Variants in OSBP2 observed in about 807,000 individuals in gnomAD.
The protein encoded by OSBP2 is oxysterol binding protein 2, also known as oxysterol-binding protein 2.
A neutral mutation model predicts 96.0 loss-of-function variants in OSBP2; 66 were observed. The ratio of observed to expected loss-of-function variants is 0.69; its 90% confidence interval spans 0.56 to 0.84. The LOEUF is 0.84. OSBP2 is among the 40% of genes least tolerant of loss of function. OSBP2 has a pLI of 0.00. For missense variants in OSBP2, 1,038 were observed against 1,222.7 expected, an observed-to-expected ratio of 0.85 and a Z score of 2.25; for synonymous variants, 525 against 520.9, an observed-to-expected ratio of 1.01 and a Z score of -0.11.
chr22:30,694,249 C>T, upstream of OSBP2: 1 of 1,549,840 alleles, frequency 6.5e-7, no homozygotes, highest in South Asian at 1.2e-5. Context: ...AGCGCCTTGG[C>T]ATGAACCGTA....
chr22:30,715,597 G>T (rs1445254821), intron 1 of OSBP2, among the ~76,000 whole-genome samples: 1 of 151,390 alleles, frequency 6.6e-6, no homozygotes, highest in African/African-American at 2.4e-5. Context: ...TGTTGCCCAG[G>T]CTGGAGTGCA....
At chr22:30,772,457 G>A (rs967601253) in intron 2 of OSBP2, among the ~76,000 whole-genome samples, 22 of 152,168 alleles carry the variant, frequency 1.4e-4, no homozygotes, top group Admixed American at 5.2e-4. Flanking sequence ...AGGCTGGCCC[G>A]TGGGATGTCT....
chr22:30,810,492 C>T (rs1453381332), intron 2 of OSBP2, among the ~76,000 whole-genome samples: 18 of 152,154 alleles, frequency 1.2e-4, no homozygotes, highest in South Asian at 2.1e-4. Flanking sequence ...CCTGGACAAC[C>T]GCACAGGTAG....
At chr22:30,832,167 T>C (rs1353595874) in intron 2 of OSBP2, among the ~76,000 whole-genome samples, 1 of 152,154 alleles carries the variant, frequency 6.6e-6, no homozygotes, top group Non-Finnish European at 1.5e-5. Flanking sequence ...CCTTCTGCCC[T>C]TGCCCCCTTC....
At chr22:30,694,020 T>TG, upstream of OSBP2, 1 of 1,536,458 alleles carries the variant, frequency 6.5e-7, no homozygotes, top group Non-Finnish European at 8.8e-7. Context: ...TTAACCATTC[T>TG]GGGGTCACAG....
intron 2 of OSBP2, among the ~76,000 whole-genome samples, chr22:30,828,581 G>A (rs1434285638): frequency 1.3e-5 from 2 of 152,240 alleles, no homozygotes; most frequent in Non-Finnish European, 2.9e-5. Context: ...GGCATTGCGA[G>A]TGGGCAGGGA....
intron 4 of OSBP2, among the ~76,000 whole-genome samples, chr22:30,887,968 AGACT>A (rs960447048): frequency 2.6e-5 from 4 of 152,202 alleles, no homozygotes; most frequent in African/African-American, 9.6e-5. Context: ...GGCCACAGAA[AGACT>A]GACCCACATG....
chr22:30,694,081 C>CCACAACTAT (rs2145653340), upstream of OSBP2: 1 of 1,433,390 alleles, frequency 7.0e-7, no homozygotes, highest in Non-Finnish European at 9.1e-7. Context: ...AGGTAAACCT[C>CCACAACTAT]TGCGGAAGCC....
chr22:30,769,792 T>G (rs962075773), intron 2 of OSBP2, among the ~76,000 whole-genome samples: 6 of 152,226 alleles, frequency 3.9e-5, no homozygotes, highest in Non-Finnish European at 8.8e-5. Flanking sequence ...ACAACAGATC[T>G]GTGTGTGATG....
At chr22:30,775,761 G>A (rs1209871673) in intron 2 of OSBP2, among the ~76,000 whole-genome samples, 1 of 151,920 alleles carries the variant, frequency 6.6e-6, no homozygotes, top group African/African-American at 2.4e-5. Context: ...ATATAGGTGT[G>A]TATATTTATG....
chr22:30,866,572 A>G (rs2039344174), intron 2 of OSBP2, among the ~76,000 whole-genome samples: 18 of 152,146 alleles, frequency 1.2e-4, no homozygotes, highest in Admixed American at 1.2e-3. Context: ...CTCCCTCTCT[A>G]CTAAAAATAC....
chr22:30,892,106 G>A (rs1489988179), intron 8 of OSBP2, among the ~76,000 whole-genome samples: 2 of 152,114 alleles, frequency 1.3e-5, no homozygotes, highest in Non-Finnish European at 2.9e-5. Flanking sequence ...AGGGAAGCCT[G>A]GGGAGATGGA....
At chr22:30,848,035 G>C (rs1171603803) in intron 2 of OSBP2, among the ~76,000 whole-genome samples, 1 of 151,864 alleles carries the variant, frequency 6.6e-6, no homozygotes. Flanking sequence ...ATACTGTTTT[G>C]CTCCTTGATC....
chr22:30,720,008 T>C (rs966713237), intron 1 of OSBP2, among the ~76,000 whole-genome samples: 8 of 152,204 alleles, frequency 5.3e-5, no homozygotes, highest in Non-Finnish European at 1.2e-4. Context: ...AAGCTGATTG[T>C]TCCTTAAACA....
chr22:30,900,214 A>G (rs2040166125), intron 12 of OSBP2, among the ~76,000 whole-genome samples: 1 of 151,650 alleles, frequency 6.6e-6, no homozygotes, highest in African/African-American at 2.4e-5. Flanking sequence ...AGATCATGCC[A>G]TTGCACTCCA....
chr22:30,902,334 A>G lies in OSBP2; in HGVS notation c.2376-3503A>G, dbSNP rs902943427. 8.2e-6 allele frequency: 13 copies of G among 1,589,314 alleles called. No homozygotes were observed. The African/African-American group carries it at 1.7e-4, about 21-fold the overall frequency. On this transcript the variant is annotated intron_variant, in intron 12 of 13. Coordinates refer to ENST00000332585, the MANE Select transcript of OSBP2 (RefSeq NM_030758.4). ...CGGGTAGTCAGAGACAAAGACACAG[A>G]TAAATTTAAAGGATTCTGCTATATA...
intron 2 of OSBP2, among the ~76,000 whole-genome samples, chr22:30,861,728 G>GC: frequency 6.6e-6 from 1 of 152,200 alleles, no homozygotes; most frequent in East Asian, 1.9e-4. Flanking sequence ...CCCCCACAGG[G>GC]CCCACTTTGG....
At chr22:30,864,995 C>G (rs899361631) in intron 2 of OSBP2, among the ~76,000 whole-genome samples, 1 of 152,202 alleles carries the variant, frequency 6.6e-6, no homozygotes, top group Non-Finnish European at 1.5e-5. Flanking sequence ...GCCTATGCAG[C>G]CTTTCAGTTT....
intron 2 of OSBP2, among the ~76,000 whole-genome samples, chr22:30,810,281 A>C (rs2090988527): frequency 6.6e-6 from 1 of 152,108 alleles, no homozygotes; most frequent in Non-Finnish European, 1.5e-5. Flanking sequence ...GGTGTGACTC[A>C]GGTCTTCCAC....
Sources: allele counts gnomAD v4.1 joint callset (sites outside exome capture counted in the v4.1 genomes callset), GRCh38; gene constraint gnomAD v4.1.1; transcripts MANE v1.5; gene names NCBI Gene and HGNC (gene_info 2026-07-23, HGNC 2026-07-21).